The following TBC1D32 variants were observed in gnomAD, a reference collection of about 807,000 sequenced individuals.
The protein encoded by TBC1D32 is protein broad-minded.
In TBC1D32, 151 loss-of-function variants were observed where a neutral mutation model predicts 170.3. The observed-to-expected ratio is 0.89, with a 90% CI of 0.78 to 1.01. The LOEUF is 1.01. TBC1D32 is among the 50% of genes least tolerant of loss of function. The pLI is 0.00. For missense variants in TBC1D32, 1,464 were observed against 1,457.1 expected, an observed-to-expected ratio of 1.00 and a Z score of -0.08; for synonymous variants, 498 against 488.0, an observed-to-expected ratio of 1.02 and a Z score of -0.27.
chr6:121,174,110 G>A (rs907688504), intron 22 of TBC1D32, among the ~76,000 whole-genome samples: 7 of 151,922 alleles, frequency 4.6e-5, no homozygotes, highest in Non-Finnish European at 7.4e-5. Flanking sequence ...AGTAAAACAT[G>A]AGCTGGCAGA....
intron 3 of TBC1D32, among the ~76,000 whole-genome samples, chr6:121,312,783 G>A (rs769930663): frequency 1.2e-4 from 19 of 152,130 alleles, no homozygotes; most frequent in Non-Finnish European, 2.4e-4. Context: ...AAAATAAATT[G>A]TGCCATGCTG....
At chr6:121,155,946 T>C (rs934515586) in intron 24 of TBC1D32, among the ~76,000 whole-genome samples, 3 of 152,102 alleles carry the variant, frequency 2.0e-5, no homozygotes, top group African/African-American at 7.2e-5. Flanking sequence ...TTTTTGCCTA[T>C]GTTCATCAAG....
At chr6:121,289,183 G>C (rs1227417806) in intron 12 of TBC1D32, among the ~76,000 whole-genome samples, 1 of 152,086 alleles carries the variant, frequency 6.6e-6, no homozygotes, top group Non-Finnish European at 1.5e-5. Flanking sequence ...AGAAATAAAG[G>C]GTATTCAATT....
chr6:121,201,848 A>T (rs888132573), intron 22 of TBC1D32, among the ~76,000 whole-genome samples: 1 of 151,436 alleles, frequency 6.6e-6, no homozygotes, highest in Non-Finnish European at 1.5e-5. Context: ...AATTTTCTGC[A>T]TTGGTTAATT....
At chr6:121,091,859 G>A (rs1421310439) in intron 30 of TBC1D32, among the ~76,000 whole-genome samples, 2 of 152,092 alleles carry the variant, frequency 1.3e-5, no homozygotes, top group African/African-American at 4.8e-5. Context: ...AGGTCATTAC[G>A]GTGAGCCCTA....
chr6:121,185,403 A>T (rs969527912), intron 22 of TBC1D32, among the ~76,000 whole-genome samples: 1 of 152,112 alleles, frequency 6.6e-6, no homozygotes, highest in African/African-American at 2.4e-5. Context: ...TCACTTGATG[A>T]TGGAGTGCTA....
chr6:121,183,036 CTGTG>C (rs55884801), intron 22 of TBC1D32, among the ~76,000 whole-genome samples: 2 of 149,038 alleles, frequency 1.3e-5, no homozygotes, highest in Non-Finnish European at 3.0e-5. Context: ...AAGAGACAGA[CTGTG>C]TGTGTGTGTG....
At chr6:121,192,857 C>A (rs1371522403) in intron 22 of TBC1D32, among the ~76,000 whole-genome samples, 2 of 152,152 alleles carry the variant, frequency 1.3e-5, no homozygotes, top group Non-Finnish European at 2.9e-5. Context: ...TCTGAGGAGA[C>A]AAACCTTGTG....
intron 1 of TBC1D32, among the ~76,000 whole-genome samples, chr6:121,332,221 G>C (rs73528529): frequency 0.051 from 7,737 of 152,074 alleles, 373 homozygotes; most frequent in African/African-American, 0.12. Context: ...AGCTTTAAAT[G>C]CTTCTATTAA....
At chr6:121,220,167 C>T (rs1414142229) in intron 21 of TBC1D32, among the ~76,000 whole-genome samples, 2 of 152,182 alleles carry the variant, frequency 1.3e-5, no homozygotes, top group African/African-American at 4.8e-5. Context: ...CTAAAAGTGA[C>T]TAAGCTTGTT....
rs1582700749 is a variant in TBC1D32 at position 121,086,366 on chromosome 6, G to A, written c.3654+4487C>T. ...GAAAACGTATCTGCAAAACACAGCT[G>A]ACAGTGTACTGAATACCTTTAAAAT... is the stretch of plus-strand genomic sequence containing the variant. On this transcript the variant is annotated intron_variant, in intron 31 of 31. Transcript: ENST00000398212. Among the ~76,000 whole-genome samples, 3 of 152,174 alleles carry A rather than the reference G, an allele frequency of 2.0e-5. No individual in the cohort carries two copies. The South Asian group carries it at 6.2e-4, about 32-fold the overall frequency.
chr6:121,225,392 CTTTAT>C (rs904158822), intron 20 of TBC1D32, among the ~76,000 whole-genome samples: 1 of 151,772 alleles, frequency 6.6e-6, no homozygotes, highest in African/African-American at 2.4e-5. Flanking sequence ...TGAATAAATC[CTTTAT>C]TTTATGTTTA....
Position 121,270,624 on chromosome 6 carries a change from C to T in TBC1D32, c.1733+8497G>A, listed in dbSNP as rs567444507. On this transcript the variant is annotated intron_variant, in intron 15 of 31. Transcript: ENST00000398212. ...TGAACTTGAGGCAATAATTAATAGC[C>T]TACCAACCAAAAAAAGTCCAGGACC... 5.9e-3 allele frequency among the ~76,000 whole-genome samples: 891 copies of T among 152,140 alleles called. 9 individuals are homozygous for T. The highest frequency in any genetic ancestry group is 0.02 in the African/African-American group (841 of 41,504).
chr6:121,270,404 T>A (rs1378295312), intron 15 of TBC1D32, among the ~76,000 whole-genome samples: 16 of 151,796 alleles, frequency 1.1e-4, no homozygotes, highest in Non-Finnish European at 2.1e-4. Flanking sequence ...ATCAAATAGA[T>A]GTAATAAAAA....
chr6:121,142,613 T>C (rs1016853199), intron 24 of TBC1D32, among the ~76,000 whole-genome samples: 1 of 152,160 alleles, frequency 6.6e-6, no homozygotes, highest in South Asian at 2.1e-4. Context: ...AACAAACATC[T>C]CATCTTCTTG....
chr6:121,253,853 A>T (rs1798618476), intron 17 of TBC1D32, among the ~76,000 whole-genome samples: 1 of 152,202 alleles, frequency 6.6e-6, no homozygotes, highest in African/African-American at 2.4e-5. Flanking sequence ...TAAAAGTAGA[A>T]CTACAATTTG....
chr6:121,102,042 G>A (rs1267162666), intron 30 of TBC1D32, among the ~76,000 whole-genome samples: 2 of 152,036 alleles, frequency 1.3e-5, no homozygotes, highest in Non-Finnish European at 1.5e-5. Context: ...AGATGTGAAG[G>A]ACCTCGTCAA....
At chr6:121,316,360 A>G (rs1366047571) in intron 3 of TBC1D32, among the ~76,000 whole-genome samples, 1 of 152,144 alleles carries the variant, frequency 6.6e-6, no homozygotes, top group African/African-American at 2.4e-5. Flanking sequence ...GAGTCATAAA[A>G]TTGGGTTTTC....
At chr6:121,315,553 T>G (rs1808808209) in intron 3 of TBC1D32, among the ~76,000 whole-genome samples, 1 of 152,146 alleles carries the variant, frequency 6.6e-6, no homozygotes, top group South Asian at 2.1e-4. Context: ...AACAATGAAT[T>G]AAAGCCCATT....
Sources: gnomAD v4.1 joint callset for allele counts (sites outside exome capture counted in the v4.1 genomes callset) on GRCh38, gnomAD v4.1.1 for gene constraint, MANE v1.5 for transcripts, NCBI Gene and HGNC (gene_info 2026-07-23, HGNC 2026-07-21) for gene names.